The following HMBOX1 variants were observed in gnomAD, a reference collection of about 807,000 sequenced individuals.
The protein encoded by HMBOX1 is homeobox-containing protein 1.
In HMBOX1, 14 loss-of-function variants were observed where a neutral mutation model predicts 54.5. That is an observed-to-expected ratio of 0.26 (90% CI 0.17 to 0.40). The LOEUF is 0.40. Among genes scored for constraint, HMBOX1 ranks in the 10% least tolerant of loss-of-function variants. HMBOX1 has a pLI of 1.00. For synonymous variants in HMBOX1, 160 were observed against 181.0 expected, an observed-to-expected ratio of 0.88 and a Z score of 0.93; for missense variants, 332 against 514.4, an observed-to-expected ratio of 0.65 and a Z score of 3.43.
At chr8:29,019,988 A>C (rs567994809) in intron 6 of HMBOX1, among the ~76,000 whole-genome samples, 21 of 152,344 alleles carry the variant, frequency 1.4e-4, no homozygotes, top group African/African-American at 5.1e-4. Context: ...GTTGTCATCT[A>C]TTCCTTTCCT....
intron 1 of HMBOX1, among the ~76,000 whole-genome samples, chr8:28,950,312 A>G (rs1472388193): frequency 2.0e-5 from 3 of 152,234 alleles, no homozygotes; most frequent in African/African-American, 4.8e-5. Flanking sequence ...CTATGCTTAT[A>G]AAAGACTTAC....
intron 1 of HMBOX1, among the ~76,000 whole-genome samples, chr8:28,956,261 G>C (rs17059568): frequency 0.022 from 3,340 of 151,430 alleles, 116 homozygotes; most frequent in South Asian, 0.13. Flanking sequence ...GAATAAACTT[G>C]ATAACTTGGA....
chr8:28,924,195 C>T lies in HMBOX1; in HGVS notation c.-58+33517C>T, dbSNP rs369518174. On this transcript the variant is annotated intron_variant, in intron 1 of 9. Transcript: ENST00000287701. ...GATCTTGGCTCACTGCAAGCTCCGC[C>T]TCCCGGGTTCACGCCATTCTCCTGC... is the stretch of plus-strand genomic sequence containing the variant. 7.9e-5 allele frequency among the ~76,000 whole-genome samples: 12 copies of T among 151,684 alleles called. No homozygotes were observed. In the East Asian group the frequency reaches 1.7e-3, roughly 22 times the overall value.
At chr8:28,977,765 C>T (rs1364427956) in intron 3 of HMBOX1, among the ~76,000 whole-genome samples, 1 of 151,834 alleles carries the variant, frequency 6.6e-6, no homozygotes, top group Non-Finnish European at 1.5e-5. Flanking sequence ...ACGGTGAAAC[C>T]CCGTGTCTAC....
At chr8:28,943,909 G>A (rs1194404306) in intron 1 of HMBOX1, among the ~76,000 whole-genome samples, 2 of 152,164 alleles carry the variant, frequency 1.3e-5, no homozygotes, top group East Asian at 3.8e-4. Flanking sequence ...TTTATATGCA[G>A]CCTCCCAACT....
At chr8:28,987,408 A>G (rs1255643392) in intron 4 of HMBOX1, among the ~76,000 whole-genome samples, 1 of 152,168 alleles carries the variant, frequency 6.6e-6, no homozygotes, top group African/African-American at 2.4e-5. Flanking sequence ...CAAAAAGAGG[A>G]AGTGATACCC....
chr8:28,927,247 A>T (rs542508533), intron 1 of HMBOX1, among the ~76,000 whole-genome samples: 2 of 152,238 alleles, frequency 1.3e-5, no homozygotes, highest in Non-Finnish European at 2.9e-5. Context: ...CTTGTAACCG[A>T]TAAATGTATA....
chr8:28,915,283 C>T (rs992870481), intron 1 of HMBOX1, among the ~76,000 whole-genome samples: 7 of 152,110 alleles, frequency 4.6e-5, no homozygotes, highest in African/African-American at 9.6e-5. Flanking sequence ...TCTGACTGGG[C>T]GCCGTGGCTC....
intron 6 of HMBOX1, among the ~76,000 whole-genome samples, chr8:29,034,505 A>G (rs1803522204): frequency 6.6e-6 from 1 of 152,228 alleles, no homozygotes; most frequent in African/African-American, 2.4e-5. Context: ...CTCTGTCAGT[A>G]TTAATATAAG....
intron 1 of HMBOX1, among the ~76,000 whole-genome samples, chr8:28,914,175 T>C (rs1280448166): frequency 6.6e-6 from 1 of 152,112 alleles, no homozygotes; most frequent in Non-Finnish European, 1.5e-5. Context: ...GCCTGATCTG[T>C]TTTAAAAAGA....
At chr8:28,969,023 A>C (rs1010765542) in intron 2 of HMBOX1, among the ~76,000 whole-genome samples, 3 of 152,106 alleles carry the variant, frequency 2.0e-5, no homozygotes, top group Admixed American at 6.5e-5. Context: ...AAAATATAAA[A>C]GTAGCCAGGC....
At position 28,940,110 on chromosome 8, in the gene HMBOX1, G is replaced by A. The variant is rs563414412; in HGVS notation, c.-57-23701G>A. On this transcript the variant is annotated intron_variant, in intron 1 of 9. Transcript: ENST00000287701. ...CGCATCCTCCATCTCCTGGGTTCAA[G>A]CAATTCTCCTGCCTCAGCCTCCTGA... 2.0e-5 allele frequency among the ~76,000 whole-genome samples: 3 copies of A among 152,242 alleles called. No homozygotes were observed. In the South Asian group the frequency reaches 6.2e-4, roughly 32 times the overall value.
At chr8:29,046,192 A>T (rs1190159678) in intron 7 of HMBOX1, 1 of 152,228 alleles carries the variant, frequency 6.6e-6, no homozygotes, top group Non-Finnish European at 1.5e-5. Flanking sequence ...CCTCACCCAG[A>T]AGCCAGACTT....
At chr8:28,993,261 T>C (rs1346101933) in intron 4 of HMBOX1, among the ~76,000 whole-genome samples, 1 of 152,180 alleles carries the variant, frequency 6.6e-6, no homozygotes, top group African/African-American at 2.4e-5. Context: ...TGATAAAGAT[T>C]TAGATTTCAA....
intron 1 of HMBOX1, among the ~76,000 whole-genome samples, chr8:28,958,070 C>T (rs1824793699): frequency 6.6e-6 from 1 of 152,080 alleles, no homozygotes; most frequent in African/African-American, 2.4e-5. Context: ...ATTAGAGAAA[C>T]TTAATTTTAA....
intron 6 of HMBOX1, among the ~76,000 whole-genome samples, chr8:29,034,616 G>A (rs1803548434): frequency 6.6e-6 from 1 of 152,210 alleles, no homozygotes; most frequent in Non-Finnish European, 1.5e-5. Context: ...AGCACTTTGG[G>A]AGGCCAAGGC....
At position 29,051,190 on chromosome 8, in the gene HMBOX1, T is replaced by C. The variant is rs779180816; in HGVS notation, c.*35T>C. 6.2e-7 allele frequency: 1 copy of C among 1,610,180 alleles called. No homozygotes were observed. Among genetic ancestry groups the C allele is most frequent in the Non-Finnish European group, 8.5e-7 (1 of 1,178,068 alleles). Reference sequence around the variant, plus strand: ...TTAAACATGACAAGTTAACTTAGTTTAGACGTAGCACCTTAGCAGACTTTC... The same window carrying C: ...TTAAACATGACAAGTTAACTTAGTTCAGACGTAGCACCTTAGCAGACTTTC... On this transcript the variant is annotated 3_prime_UTR_variant, in exon 10 of 10. Coordinates refer to ENST00000287701, the MANE Select transcript of HMBOX1 (RefSeq NM_001135726.3).
At chr8:28,903,569 T>G (rs1425887634) in intron 1 of HMBOX1, among the ~76,000 whole-genome samples, 4 of 152,212 alleles carry the variant, frequency 2.6e-5, no homozygotes, top group Non-Finnish European at 5.9e-5. Flanking sequence ...TCTGTCTTGA[T>G]CTCAGCAAAA....
At position 29,027,396 on chromosome 8, in the gene HMBOX1, G is replaced by T. The variant is rs186046509; in HGVS notation, c.851+8483G>T. ...AAGGTTTTTGTCAGAAGTGTTGAAG[G>T]CTTCATGGCCTAGGAGAGTGACTTC... is the stretch of plus-strand genomic sequence containing the variant. On this transcript the variant is annotated intron_variant, in intron 6 of 9. Transcript: ENST00000287701. Among the ~76,000 whole-genome samples, 20 of 152,296 alleles carry T rather than the reference G, an allele frequency of 1.3e-4. No individual in the cohort carries two copies. The East Asian group carries it at 3.7e-3, about 28-fold the overall frequency.
Sources: gnomAD v4.1 joint callset for allele counts (sites outside exome capture counted in the v4.1 genomes callset) on GRCh38, gnomAD v4.1.1 for gene constraint, MANE v1.5 for transcripts, NCBI Gene and HGNC (gene_info 2026-07-23, HGNC 2026-07-21) for gene names.